The following FOXN3 variants were observed in gnomAD, a reference collection of about 807,000 sequenced individuals.
FOXN3 encodes forkhead box N3.
FOXN3 carries 7 observed loss-of-function variants against 38.4 expected under a neutral mutation model. The ratio of observed to expected loss-of-function variants is 0.18; its 90% confidence interval spans 0.10 to 0.34. FOXN3 has a LOEUF of 0.34. Ranked by LOEUF, FOXN3 falls within the 10% of genes least tolerant of loss-of-function variation. The pLI, the probability that FOXN3 is intolerant of heterozygous loss-of-function variation, is 1.00. For synonymous variants in FOXN3, 230 were observed against 242.2 expected, an observed-to-expected ratio of 0.95 and a Z score of 0.47; for missense variants, 456 against 613.4, an observed-to-expected ratio of 0.74 and a Z score of 2.71.
In FOXN3 at chr14:89,412,660, C is replaced by T. The variant is rs75206941; in HGVS notation, c.-14-170G>A. Among the ~76,000 whole-genome samples the T allele has an allele frequency of 0.062, 9,452 of 152,204 alleles. 400 individuals carry two copies. Among genetic ancestry groups the T allele is most frequent in the Middle Eastern group, 0.11 (33 of 294 alleles). On this transcript the variant is annotated intron_variant, in intron 1 of 5. Transcript: ENST00000557258. The surrounding 1 kb of genome is among the most constrained non-coding windows in gnomAD (Gnocchi z 4.7). ...AAGCAACACAATCCCACAATTCCAC[C>T]ACAGAGAGATAGGCTGATGAGAAAA... is the stretch of plus-strand genomic sequence containing the variant.
intron 4 of FOXN3, among the ~76,000 whole-genome samples, chr14:89,243,017 C>T (rs1035580648): frequency 6.6e-5 from 10 of 152,134 alleles, no homozygotes; most frequent in Admixed American, 3.9e-4. Context: ...AGTCCTGCCC[C>T]CTGATGGGAG....
chr14:89,175,862 T>G (rs111239286), intron 5 of FOXN3, among the ~76,000 whole-genome samples: 1 of 152,138 alleles, frequency 6.6e-6, no homozygotes, highest in Non-Finnish European at 1.5e-5. Flanking sequence ...CCAGGGAGGT[T>G]GCTGTGACCC....
rs557259548 is a variant in FOXN3, at chr14:89,291,459, C to T, written c.681-10445G>A. On this transcript the variant is annotated intron_variant, in intron 3 of 5. Coordinates refer to ENST00000557258, the MANE Select transcript of FOXN3 (RefSeq NM_005197.4). The stretch of plus-strand genomic sequence containing the variant: ...TTCATCAGCTTATCAAAGGCTTCCA[C>T]GGAGGGTGCCACACCTCCACAGACA... The T allele has an allele frequency of 1.3e-3, 799 of 608,222 alleles. 12 individuals are homozygous for T. The highest frequency in any genetic ancestry group is 2.9e-4 in the Non-Finnish European group (91 of 311,088). The allele number at this position is 608,222 out of a possible 1,614,324, so 37.7% of individuals were successfully genotyped here. A position where few individuals can be genotyped will look rare whatever the true frequency, so the allele number is the denominator to read the frequency against.
intron 3 of FOXN3, among the ~76,000 whole-genome samples, chr14:89,303,466 G>A (rs1487646054): frequency 1.3e-5 from 2 of 148,754 alleles, no homozygotes; most frequent in African/African-American, 5.0e-5. Flanking sequence ...CCAGGAGCTG[G>A]CATGGAGTAG....
chr14:89,510,144 G>T (rs1410837754), intron 1 of FOXN3, among the ~76,000 whole-genome samples: 1 of 152,190 alleles, frequency 6.6e-6, no homozygotes, highest in East Asian at 1.9e-4. Flanking sequence ...GAGGCAGGAA[G>T]GAGAATTCCT....
chr14:89,219,902 T>C (rs1317092194), intron 4 of FOXN3, among the ~76,000 whole-genome samples: 1 of 152,210 alleles, frequency 6.6e-6, no homozygotes, highest in Non-Finnish European at 1.5e-5. Flanking sequence ...TGGGCTAGGT[T>C]TGCCAGAAGC....
intron 1 of FOXN3, among the ~76,000 whole-genome samples, chr14:89,414,457 G>C (rs1359054657): frequency 3.3e-5 from 5 of 152,112 alleles, no homozygotes; most frequent in Non-Finnish European, 7.3e-5. Flanking sequence ...TACCAGCCAA[G>C]GGTGCCTGTG....
intron 3 of FOXN3, among the ~76,000 whole-genome samples, chr14:89,339,721 G>A (rs1189578056): frequency 1.3e-5 from 2 of 152,126 alleles, no homozygotes; most frequent in Non-Finnish European, 2.9e-5. Context: ...CTGTTTCCTC[G>A]GACTGGCCTC....
intron 1 of FOXN3, among the ~76,000 whole-genome samples, chr14:89,571,245 A>G (rs1027951587): frequency 6.6e-6 from 1 of 152,202 alleles, no homozygotes; most frequent in African/African-American, 2.4e-5. Context: ...ATGGTGGCTC[A>G]CGCCTGTAAT....
chr14:89,533,733 G>A (rs1242330539), intron 1 of FOXN3, among the ~76,000 whole-genome samples: 1 of 145,260 alleles, frequency 6.9e-6, no homozygotes, highest in Non-Finnish European at 1.5e-5. Flanking sequence ...TATCAGCAAA[G>A]TACTGACTAA....
intron 1 of FOXN3, among the ~76,000 whole-genome samples, chr14:89,428,523 C>T (rs1279477531): frequency 1.3e-5 from 2 of 152,218 alleles, no homozygotes; most frequent in African/African-American, 2.4e-5. Context: ...CTTCTCTGCA[C>T]TCAAAGACGT....
At chr14:89,218,280 T>C (rs1214259663) in intron 4 of FOXN3, among the ~76,000 whole-genome samples, 1 of 152,254 alleles carries the variant, frequency 6.6e-6, no homozygotes, top group Non-Finnish European at 1.5e-5. Flanking sequence ...GACAAGTCAA[T>C]GGAGCATTCC....
At chr14:89,444,404 A>C (rs923543828) in intron 1 of FOXN3, among the ~76,000 whole-genome samples, 1 of 151,990 alleles carries the variant, frequency 6.6e-6, no homozygotes, top group Non-Finnish European at 1.5e-5. Flanking sequence ...GGAGCCCAGC[A>C]AGTAAAATAT....
chr14:89,480,528 T>C (rs1363831721), intron 1 of FOXN3, among the ~76,000 whole-genome samples: 2 of 152,096 alleles, frequency 1.3e-5, no homozygotes, highest in South Asian at 2.1e-4. Context: ...ATTTTGAACA[T>C]GGATTTCTTT....
intron 1 of FOXN3, among the ~76,000 whole-genome samples, chr14:89,505,310 TCCCTCTGATG>T (rs1427109360): frequency 1.7e-5 from 2 of 116,956 alleles, no homozygotes; most frequent in African/African-American, 6.9e-5. Context: ...CCCCACGGTC[TCCCTCTGATG>T]CCGAGCCGAG....
intron 1 of FOXN3, among the ~76,000 whole-genome samples, chr14:89,563,537 G>A (rs1445425836): frequency 6.6e-6 from 1 of 152,168 alleles, no homozygotes; most frequent in East Asian, 1.9e-4. Context: ...CACTCAGGAG[G>A]AGATCACTTC....
At chr14:89,608,735 A>G (rs970020670) in intron 1 of FOXN3, among the ~76,000 whole-genome samples, 2 of 152,316 alleles carry the variant, frequency 1.3e-5, no homozygotes, top group East Asian at 1.9e-4. Context: ...ATGCACTATC[A>G]TAGGCGAAGA....
At chr14:89,452,767 C>T (rs564142135) in intron 1 of FOXN3, among the ~76,000 whole-genome samples, 5 of 152,224 alleles carry the variant, frequency 3.3e-5, no homozygotes, top group East Asian at 1.9e-4. Context: ...TAGGAAGGGA[C>T]GAGACTTTAG....
chr14:89,368,907 G>A (rs184824684), intron 2 of FOXN3, among the ~76,000 whole-genome samples: 2 of 152,230 alleles, frequency 1.3e-5, no homozygotes, highest in Non-Finnish European at 2.9e-5. Flanking sequence ...ACTCCGCCAG[G>A]GGTTAAGAGT....
Sources: gnomAD v4.1 joint callset for allele counts (sites outside exome capture counted in the v4.1 genomes callset) on GRCh38, gnomAD v4.1.1 for gene constraint, Gnocchi (gnomAD v3.1) non-coding constraint, MANE v1.5 for transcripts, NCBI Gene and HGNC (gene_info 2026-07-23, HGNC 2026-07-21) for gene names.